The following TCF7 variants were observed in gnomAD, a reference collection of about 807,000 sequenced individuals.
TCF7 encodes the protein transcription factor 7.
A neutral mutation model predicts 46.8 loss-of-function variants in TCF7; 19 were observed. The observed-to-expected ratio is 0.41, with a 90% CI of 0.28 to 0.60. TCF7 has a LOEUF of 0.60. TCF7 is among the 20% of genes least tolerant of loss of function. TCF7 has a pLI of 0.35. For missense variants in TCF7, 547 were observed against 504.6 expected (o/e 1.08, Z -0.81); for synonymous variants, 245 against 213.4 (o/e 1.15, Z -1.29).
intron 3 of TCF7, 124 bp from the exon 4 acceptor site, chr5:134,137,935 C>T (rs991106110): frequency 2.9e-5 from 21 of 730,872 alleles, no homozygotes; most frequent in South Asian, 2.7e-4. Context: ...GTACCCCCTT[C>T]GCTGAGGCCT....
intron 9 of TCF7, chr5:134,145,711 G>C (rs768567280): frequency 1.2e-6 from 2 of 1,612,024 alleles, no homozygotes; most frequent in East Asian, 4.5e-5. Flanking sequence ...CCTGTCTTCA[G>C]GGGAAGTTCT....
intron 3 of TCF7, among the ~76,000 whole-genome samples, chr5:134,119,950 T>A (rs1400352914): frequency 6.6e-6 from 1 of 152,156 alleles, no homozygotes; most frequent in Non-Finnish European, 1.5e-5. Flanking sequence ...TACCAGGTAC[T>A]GGGCCCCCAG....
At chr5:134,145,660 G>A (rs1561705017) in intron 9 of TCF7, 2 of 1,445,278 alleles carry the variant, frequency 1.4e-6, no homozygotes, top group East Asian at 2.3e-5. Context: ...AGTTTGGGGT[G>A]TGTCTGTGTA....
At chr5:134,139,075 C>G (rs995679294) in intron 5 of TCF7, 37 bp downstream of exon 5, 7 of 1,609,604 alleles carry the variant, frequency 4.3e-6, no homozygotes, top group African/African-American at 1.3e-5. Context: ...GTACCGTGTG[C>G]TGGTCAGACC....
chr5:134,114,735 G>A lies in TCF7; in HGVS notation c.-172G>A, dbSNP rs1240250321. 2 of 579,626 alleles carry A rather than the reference G, an allele frequency of 3.5e-6. No individual in the cohort carries two copies. The highest frequency in any genetic ancestry group is 4.3e-6 in the Non-Finnish European group (2 of 461,426). 35.9% of individuals were successfully genotyped at this position (579,626 alleles called of 1,614,324 possible). ...ACCCGCCAGCTCGCGGAGCCGCTCT[G>A]CCCCGCGCCCTAGCCCGCGCCTGCA... is the stretch of plus-strand genomic sequence containing the variant. On this transcript the variant is annotated 5_prime_UTR_variant, in exon 1 of 10. Coordinates refer to ENST00000342854, the MANE Select transcript of TCF7 (RefSeq NM_003202.5).
intron 3 of TCF7, among the ~76,000 whole-genome samples, chr5:134,125,191 TCTGA>T (rs1008474332): frequency 6.6e-5 from 10 of 152,202 alleles, no homozygotes; most frequent in Admixed American, 5.9e-4. Context: ...GCCGAGGGAT[TCTGA>T]CTAACTCTGA....
At chr5:134,143,538 G>A in intron 8 of TCF7, 54 bp from the exon 9 acceptor site, 1 of 1,610,400 alleles carries the variant, frequency 6.2e-7, no homozygotes, top group Non-Finnish European at 8.5e-7. Flanking sequence ...CAGGCTGTGG[G>A]TATCCCAATG....
In TCF7 at chr5:134,146,874, A is replaced by G; in HGVS notation, c.*571A>G. On this transcript the variant is annotated 3_prime_UTR_variant, in exon 10 of 10. Coordinates refer to ENST00000342854, the MANE Select transcript of TCF7 (RefSeq NM_003202.5). ...TGAACTGAGCCTAGCTACCTTCTCT[A>G]CCCATCTCCCCCATCCCCCACTGCC... The G allele has an allele frequency of 3.3e-6, 1 of 305,102 alleles. No homozygotes were observed. The highest frequency in any genetic ancestry group is 3.8e-5 in the South Asian group (1 of 26,540). 18.9% of individuals were successfully genotyped at this position (305,102 alleles called of 1,614,324 possible).
At position 134,143,120 on chromosome 5, in the gene TCF7, CA is replaced by C; in HGVS notation, c.1026+21del. The C allele has an allele frequency of 6.3e-7, 1 of 1,587,786 alleles. No homozygotes were observed. Among genetic ancestry groups the C allele is most frequent in the Non-Finnish European group, 8.6e-7 (1 of 1,166,998 alleles). ...AACTACGTGAGTGCCTAGTGACACA[CA>C]GCAGGGGTGGGCAGGGGACCCTTTG... On this transcript the variant is annotated intron_variant, in intron 8 of 9. Coordinates refer to ENST00000342854, the MANE Select transcript of TCF7 (RefSeq NM_003202.5).
upstream of TCF7, among the ~76,000 whole-genome samples, chr5:134,113,950 G>C (rs1054143744): frequency 1.4e-4 from 21 of 152,198 alleles, 1 homozygote; most frequent in Non-Finnish European, 1.5e-5. Flanking sequence ...GCAGGTTCTA[G>C]TCACGGAACC....
rs1561696479 is a variant in TCF7 at position 134,142,751 on chromosome 5, G to A, written c.786G>A (p.Lys262=). 1 of 1,614,180 alleles carries A rather than the reference G, an allele frequency of 6.2e-7. No homozygotes were observed. The highest frequency in any genetic ancestry group is 8.5e-7 in the Non-Finnish European group (1 of 1,180,016). ...CACAAGCAGAGTCCAAGGCAGAGAAGGAGGCCAAGAAGCCAACCATCAAGA... is the reference window on the plus strand; with the variant it reads ...CACAAGCAGAGTCCAAGGCAGAGAAAGAGGCCAAGAAGCCAACCATCAAGA... ...LKTQAESKAE[K]EAKKPTIKKP... is the part of the protein sequence containing the mutation. Residue 262 remains lysine, a synonymous_variant, in exon 7 of 10, where the codon AAG becomes AAA. Transcript: ENST00000342854.
rs1014371037 is a variant in TCF7, at chr5:134,115,657, G to A, written c.317-252G>A. ...TGACTGACTAATCCGCCGCCTTCAG[G>A]AGACAGAATTGGCCAAGGTTTCTTG... On this transcript the variant is annotated intron_variant, in intron 2 of 9. Transcript: ENST00000342854. 6 of 1,432,100 alleles carry A rather than the reference G, an allele frequency of 4.2e-6. No homozygotes were observed. The African/African-American group carries it at 8.7e-5, about 21-fold the overall frequency. 88.7% of individuals were successfully genotyped at this position (1,432,100 alleles called of 1,614,324 possible).
rs563087253 is a variant in TCF7 at position 134,135,863 on chromosome 5, A to G, written c.442-2196A>G. On this transcript the variant is annotated intron_variant, in intron 3 of 9. Transcript: ENST00000342854. ...AGGAGTGGCCCATGAAGCTGGAGGA[A>G]TATCAGGCAGTGTGGCATTCTGCAA... Among the ~76,000 whole-genome samples, 5 of 152,356 alleles carry G rather than the reference A, an allele frequency of 3.3e-5. No homozygotes were observed. The East Asian group carries it at 7.7e-4, about 23-fold the overall frequency.
upstream of TCF7, among the ~76,000 whole-genome samples, chr5:134,114,181 C>G (rs1397801321): frequency 1.3e-5 from 2 of 152,178 alleles, no homozygotes; most frequent in African/African-American, 4.8e-5. Flanking sequence ...CTGATTGGCA[C>G]AGGGATGGAG....
intron 5 of TCF7, chr5:134,139,250 A>C: frequency 1.5e-6 from 1 of 672,006 alleles, no homozygotes; most frequent in Non-Finnish European, 2.4e-6. Flanking sequence ...AGCCTGACAT[A>C]CTCCCTTTGG....
intron 3 of TCF7, among the ~76,000 whole-genome samples, chr5:134,132,203 G>GC (rs1247377420): frequency 6.6e-6 from 1 of 152,238 alleles, no homozygotes; most frequent in African/African-American, 2.4e-5. Flanking sequence ...TGTCAGGTGG[G>GC]CGTAGTAGTT....
chr5:134,143,976 A>G (rs1760283210), intron 9 of TCF7: 2 of 276,988 alleles, frequency 7.2e-6, no homozygotes, highest in South Asian at 9.8e-5. Context: ...CTTAGCCCAA[A>G]CAATGTCCTG....
rs528587891 is a variant in TCF7 at position 134,122,525 on chromosome 5, C to T, written c.441+6492C>T. Reference sequence around the variant, plus strand: ...GGCCCCCTTTCTGGGTCTCTGGAGACCATACCCCATCCCCAGCCCCTCCAA... The same window carrying T: ...GGCCCCCTTTCTGGGTCTCTGGAGATCATACCCCATCCCCAGCCCCTCCAA... On this transcript the variant is annotated intron_variant, in intron 3 of 9. Coordinates refer to ENST00000342854, the MANE Select transcript of TCF7 (RefSeq NM_003202.5). 2.0e-5 allele frequency among the ~76,000 whole-genome samples: 3 copies of T among 152,302 alleles called. No homozygotes were observed. In the South Asian group the frequency reaches 6.2e-4, roughly 32 times the overall value.
chr5:134,144,716 C>T lies in TCF7; in HGVS notation c.1075+1076C>T, dbSNP rs1580904812. The T allele has an allele frequency of 4.7e-6, 5 of 1,060,754 alleles. No homozygotes were observed. The South Asian group carries it at 6.4e-5, about 14-fold the overall frequency. 65.7% of individuals were successfully genotyped at this position (1,060,754 alleles called of 1,614,324 possible). ...TATAACTGGCTAACACTGATGTTAC[C>T]TCTTCTTTCTGGGCCCTGCTCTGCC... is the stretch of plus-strand genomic sequence containing the variant. On this transcript the variant is annotated intron_variant, in intron 9 of 9. Coordinates refer to ENST00000342854, the MANE Select transcript of TCF7 (RefSeq NM_003202.5).
Sources: allele counts gnomAD v4.1 joint callset (sites outside exome capture counted in the v4.1 genomes callset), GRCh38; gene constraint gnomAD v4.1.1; transcripts MANE v1.5; gene names NCBI Gene and HGNC (gene_info 2026-07-23, HGNC 2026-07-21).